FBXL17: variants seen among roughly 807,000 people sequenced by gnomAD.
FBXL17 encodes F-box and leucine rich repeat protein 17.
FBXL17 carries 22 observed loss-of-function variants against 66.2 expected under a neutral mutation model. The ratio of observed to expected loss-of-function variants is 0.33; its 90% CI spans 0.24 to 0.47. FBXL17 has a LOEUF of 0.47. Ranked by LOEUF, FBXL17 falls within the 20% of genes least tolerant of loss-of-function variation. The pLI is 1.00. For missense variants in FBXL17, 878 were observed against 948.2 expected (o/e 0.93, Z 0.97); for synonymous variants, 474 against 400.5 (o/e 1.18, Z -2.19).
intron 8 of FBXL17, among the ~76,000 whole-genome samples, chr5:107,872,757 A>C (rs1377639015): frequency 6.6e-6 from 1 of 152,232 alleles, no homozygotes; most frequent in Non-Finnish European, 1.5e-5. Flanking sequence ...GCTTCATAGG[A>C]GGAACACTAC....
At chr5:108,194,059 T>A (rs1753578106) in intron 5 of FBXL17, among the ~76,000 whole-genome samples, 1 of 152,028 alleles carries the variant, frequency 6.6e-6, no homozygotes, top group East Asian at 1.9e-4. Flanking sequence ...TCTCCCACCT[T>A]CTCCAAAGCC....
chr5:108,024,462 C>T (rs1754716495), intron 6 of FBXL17, among the ~76,000 whole-genome samples: 1 of 152,134 alleles, frequency 6.6e-6, no homozygotes, highest in Admixed American at 6.5e-5. Context: ...TCATTCTCTA[C>T]AAGATAACTC....
intron 6 of FBXL17, among the ~76,000 whole-genome samples, chr5:108,056,618 C>T (rs1190117375): frequency 6.6e-6 from 1 of 152,138 alleles, no homozygotes; most frequent in Non-Finnish European, 1.5e-5. Context: ...TAGGCAGCCA[C>T]AGTGTTGAGA....
At chr5:108,060,915 C>A (rs543787679) in intron 6 of FBXL17, among the ~76,000 whole-genome samples, 1 of 152,226 alleles carries the variant, frequency 6.6e-6, no homozygotes, top group East Asian at 1.9e-4. Flanking sequence ...CCCACAGATG[C>A]AGTGTAATGC....
intron 6 of FBXL17, among the ~76,000 whole-genome samples, chr5:108,141,723 T>C (rs989296166): frequency 3.9e-5 from 6 of 152,200 alleles, no homozygotes; most frequent in South Asian, 2.1e-4. Flanking sequence ...CTGAACCTGT[T>C]TGCTTCAGTC....
intron 4 of FBXL17, among the ~76,000 whole-genome samples, chr5:108,328,189 A>G (rs186538879): frequency 6.6e-6 from 1 of 152,294 alleles, no homozygotes; most frequent in African/African-American, 2.4e-5. Flanking sequence ...AAATATGCTC[A>G]CTAATGATAT....
At chr5:107,866,177 T>C (rs1331641930) in intron 8 of FBXL17, among the ~76,000 whole-genome samples, 2 of 152,118 alleles carry the variant, frequency 1.3e-5, no homozygotes, top group African/African-American at 4.8e-5. Context: ...AACTCCTATA[T>C]GACACATGAG....
chr5:108,093,954 G>A (rs1328202107), intron 6 of FBXL17, among the ~76,000 whole-genome samples: 24 of 152,134 alleles, frequency 1.6e-4, no homozygotes, highest in Non-Finnish European at 3.5e-4. Context: ...ACTATTATAA[G>A]CCTTAATTTT....
intron 3 of FBXL17, among the ~76,000 whole-genome samples, chr5:108,355,120 C>T (rs1747894047): frequency 1.3e-5 from 2 of 151,926 alleles, no homozygotes; most frequent in East Asian, 3.9e-4. Flanking sequence ...AAAATAAAAA[C>T]ATTTATTTTC....
intron 4 of FBXL17, among the ~76,000 whole-genome samples, chr5:108,328,209 T>C (rs1444669645): frequency 6.6e-6 from 1 of 152,146 alleles, no homozygotes. Context: ...TGACCAAGTA[T>C]ATAGTATTGA....
rs139865367 is a variant in FBXL17, at chr5:108,349,111, T to C, written c.1375-581A>G. ...GTGAGCCACTGCACCCAGCCTCTCT[T>C]GAGTCTTAATAGTGAGGAAAAAAAT... is the stretch of plus-strand genomic sequence containing the variant. On this transcript the variant is annotated intron_variant, in intron 3 of 8. Coordinates refer to ENST00000542267, the MANE Select transcript of FBXL17 (RefSeq NM_001163315.3). 5.3e-4 allele frequency among the ~76,000 whole-genome samples: 80 copies of C among 152,306 alleles called. No homozygotes were observed. In the East Asian group the frequency reaches 0.015, roughly 28 times the overall value.
At chr5:108,336,139 CG>C (rs1760371544) in intron 4 of FBXL17, among the ~76,000 whole-genome samples, 2 of 151,890 alleles carry the variant, frequency 1.3e-5, no homozygotes, top group Non-Finnish European at 2.9e-5. Context: ...AAAAAATATA[CG>C]GGAAGAATTT....
chr5:108,132,947 A>G (rs1484242413), intron 6 of FBXL17, among the ~76,000 whole-genome samples: 5 of 152,216 alleles, frequency 3.3e-5, no homozygotes, highest in Admixed American at 2.6e-4. Flanking sequence ...AAGGAATGTC[A>G]TATTAGCAAT....
chr5:107,987,026 T>C (rs990897800), intron 7 of FBXL17, among the ~76,000 whole-genome samples: 1 of 151,964 alleles, frequency 6.6e-6, no homozygotes, highest in Non-Finnish European at 1.5e-5. Context: ...AGGACAAAAA[T>C]GTCACATAAC....
intron 7 of FBXL17, among the ~76,000 whole-genome samples, chr5:107,915,659 T>C (rs1349081196): frequency 6.6e-6 from 1 of 152,212 alleles, no homozygotes; most frequent in Non-Finnish European, 1.5e-5. Flanking sequence ...ATGTACCTTT[T>C]TGCATGTAGA....
At position 108,382,048 on chromosome 5, in the gene FBXL17, T is replaced by A. The variant is rs1389608429; in HGVS notation, c.-357A>T. ...CGGCCGGGGAAAGGCCGGGTCCCGC[T>A]CGGACCATTTTAACTGCGGATCCGC... On this transcript the variant is annotated 5_prime_UTR_variant, in exon 1 of 9. Coordinates refer to ENST00000542267, the MANE Select transcript of FBXL17 (RefSeq NM_001163315.3). 17 of 900,984 alleles carry A rather than the reference T, an allele frequency of 1.9e-5. No individual in the cohort carries two copies. Among genetic ancestry groups the A allele is most frequent in the East Asian group, 6.8e-5 (1 of 14,668 alleles). 55.8% of individuals were successfully genotyped at this position (900,984 alleles called of 1,614,324 possible). A position where few individuals can be genotyped will look rare whatever the true frequency, so the allele number is the denominator to read the frequency against.
intron 7 of FBXL17, among the ~76,000 whole-genome samples, chr5:107,976,570 T>G (rs1752588069): frequency 6.6e-6 from 1 of 152,214 alleles, no homozygotes; most frequent in Non-Finnish European, 1.5e-5. Flanking sequence ...TTCTCATGAT[T>G]GTCTAGTTTA....
chr5:108,326,454 T>A (rs1487216814), intron 4 of FBXL17, among the ~76,000 whole-genome samples: 3 of 147,668 alleles, frequency 2.0e-5, no homozygotes, highest in African/African-American at 7.8e-5. Flanking sequence ...AAAAAAAAAA[T>A]GAGCTGGGCA....
intron 6 of FBXL17, among the ~76,000 whole-genome samples, chr5:108,101,227 C>A (rs80014661): frequency 6.1e-4 from 93 of 152,336 alleles, no homozygotes; most frequent in African/African-American, 2.2e-3. Flanking sequence ...AATAGCATAG[C>A]AGGAAGACAG....
Sources: gnomAD v4.1 joint callset for allele counts (sites outside exome capture counted in the v4.1 genomes callset) on GRCh38, gnomAD v4.1.1 for gene constraint, MANE v1.5 for transcripts, NCBI Gene and HGNC (gene_info 2026-07-23, HGNC 2026-07-21) for gene names.